The following SLC9A8 variants were observed in gnomAD, a reference collection of about 807,000 sequenced individuals.
SLC9A8 encodes solute carrier family 9 member A8, also known as sodium/hydrogen exchanger 8.
In SLC9A8, 48 loss-of-function variants were observed where a neutral mutation model predicts 66.6. The ratio of observed to expected loss-of-function variants is 0.72; its 90% CI spans 0.57 to 0.92. The LOEUF is 0.92. Ranked by LOEUF, SLC9A8 falls within the 40% of genes least tolerant of loss-of-function variation. The probability of loss-of-function intolerance (pLI) is 0.00; values close to 1 mark genes in which losing one functional copy is unlikely to be tolerated. For synonymous variants in SLC9A8, 274 were observed against 282.6 expected (o/e 0.97, Z 0.31); for missense variants, 599 against 747.3 (o/e 0.80, Z 2.31).
chr20:49,826,745 C>A (rs1013902567), intron 3 of SLC9A8, among the ~76,000 whole-genome samples: 10 of 152,080 alleles, frequency 6.6e-5, no homozygotes, highest in African/African-American at 2.4e-4. Context: ...AAACTAATTT[C>A]TTTTGCACAG....
chr20:49,818,161 A>T (rs2086622468), intron 2 of SLC9A8, among the ~76,000 whole-genome samples: 1 of 152,182 alleles, frequency 6.6e-6, no homozygotes, highest in Non-Finnish European at 1.5e-5. Flanking sequence ...GGTTTCTATA[A>T]TGTACTTTTT....
At chr20:49,849,392 G>A (rs761427327) in intron 5 of SLC9A8, among the ~76,000 whole-genome samples, 187 bp from the exon 6 acceptor site, 3 of 152,078 alleles carry the variant, frequency 2.0e-5, no homozygotes, top group Non-Finnish European at 4.4e-5. Context: ...TGGTGTGAGT[G>A]ACGGGACACT....
chr20:49,836,498 T>C (rs200587849), intron 3 of SLC9A8, among the ~76,000 whole-genome samples: 1 of 151,992 alleles, frequency 6.6e-6, no homozygotes, highest in African/African-American at 2.4e-5. Context: ...CGCAGATAAT[T>C]TTTGTATTTT....
intron 3 of SLC9A8, among the ~76,000 whole-genome samples, chr20:49,838,610 C>T (rs530381306): frequency 2.6e-5 from 4 of 152,188 alleles, no homozygotes; most frequent in Non-Finnish European, 5.9e-5. Context: ...TCCTGCTCAG[C>T]TTCTGTGTTC....
chr20:49,854,631 G>A (rs1479263511), intron 7 of SLC9A8, among the ~76,000 whole-genome samples: 2 of 152,240 alleles, frequency 1.3e-5, no homozygotes, highest in East Asian at 1.9e-4. Flanking sequence ...TAGGAGTACC[G>A]ACTCTGGGCA....
chr20:49,829,248 G>C (rs897778781), intron 3 of SLC9A8: 1 of 152,486 alleles, frequency 6.6e-6, no homozygotes, highest in South Asian at 2.1e-4. Context: ...GGCTGGGCGC[G>C]GTGGCTCACG....
intron 7 of SLC9A8, among the ~76,000 whole-genome samples, chr20:49,853,372 G>C (rs1163382049): frequency 2.0e-5 from 3 of 152,182 alleles, no homozygotes; most frequent in Non-Finnish European, 4.4e-5. Flanking sequence ...GAACTCCTGA[G>C]CTCAAGCCAT....
intron 2 of SLC9A8, 118 bp downstream of exon 2, chr20:49,815,307 A>G (rs1159731814): frequency 3.9e-6 from 3 of 764,684 alleles, no homozygotes; most frequent in Non-Finnish European, 5.9e-6. Context: ...TGGTTTTCAT[A>G]TCAAACACTG....
At chr20:49,857,885 C>T (rs2146649682) in intron 8 of SLC9A8, among the ~76,000 whole-genome samples, 1 of 152,246 alleles carries the variant, frequency 6.6e-6, no homozygotes, top group South Asian at 2.1e-4. Flanking sequence ...CCAAATACTG[C>T]CTGATGGCAA....
intron 10 of SLC9A8, among the ~76,000 whole-genome samples, chr20:49,871,542 C>T (rs996977237): frequency 2.6e-5 from 4 of 152,206 alleles, no homozygotes; most frequent in African/African-American, 9.6e-5. Flanking sequence ...TTGCACCAAC[C>T]CCCGCTTTTG....
chr20:49,827,359 T>G (rs993315656), intron 3 of SLC9A8, among the ~76,000 whole-genome samples: 17 of 151,304 alleles, frequency 1.1e-4, no homozygotes, highest in Admixed American at 1.1e-3. Context: ...TCCCAGCACT[T>G]TGGGAGGCCG....
intron 3 of SLC9A8, 108 bp from the exon 4 acceptor site, chr20:49,839,433 A>G: frequency 1.6e-6 from 1 of 637,444 alleles, no homozygotes; most frequent in Non-Finnish European, 2.7e-6. Context: ...TGCCCCAACC[A>G]CCTTGGGCAC....
intron 3 of SLC9A8, among the ~76,000 whole-genome samples, chr20:49,836,488 C>A (rs150371905): frequency 6.6e-6 from 1 of 152,054 alleles, no homozygotes; most frequent in Non-Finnish European, 1.5e-5. Flanking sequence ...TACCACCATG[C>A]GCAGATAATT....
At chr20:49,840,962 A>AC (rs2087732042) in intron 4 of SLC9A8, among the ~76,000 whole-genome samples, 1 of 137,578 alleles carries the variant, frequency 7.3e-6, no homozygotes, top group African/African-American at 2.9e-5. Context: ...AAAAAAATAC[A>AC]AAAAAAAAAA....
chr20:49,829,447 C>T (rs1331934862), intron 3 of SLC9A8: 6 of 189,694 alleles, frequency 3.2e-5, no homozygotes, highest in South Asian at 1.9e-4. Flanking sequence ...AGCATGAACC[C>T]GGGAGGTGGA....
In SLC9A8 at chr20:49,886,825, A is replaced by G; in HGVS notation, c.1565A>G (p.Gln522Arg). ...TACGAGGCCCACTACATCAGGCGGC[A>G]GGACCTTAAGGGCTTCGTGTGGCTG... ...EEYEAHYIRR[Q>R]DLKGFVWLDA... Residue 522 changes from glutamine (Q) to arginine (R), a missense_variant, in exon 15 of 16, where the codon CAG becomes CGG. Gln to Arg is a conservative substitution (Grantham distance 43, BLOSUM62 1). Coordinates refer to ENST00000361573, the MANE Select transcript of SLC9A8 (RefSeq NM_015266.3). This position sits in a 1 kb window ranked among gnomAD's most constrained non-coding sequence, Gnocchi z 4.8. The G allele has an allele frequency of 6.2e-7, 1 of 1,614,212 alleles. No homozygotes were observed. The highest frequency in any genetic ancestry group is 1.3e-5 in the African/African-American group (1 of 75,078).
At chr20:49,869,665 C>G (rs913175810) in intron 10 of SLC9A8, among the ~76,000 whole-genome samples, 3 of 151,876 alleles carry the variant, frequency 2.0e-5, no homozygotes, top group Non-Finnish European at 4.4e-5. Flanking sequence ...AACCCCATCT[C>G]TACTAAAAAT....
At chr20:49,835,431 C>T (rs930054456) in intron 3 of SLC9A8, among the ~76,000 whole-genome samples, 1 of 152,088 alleles carries the variant, frequency 6.6e-6, no homozygotes, top group Non-Finnish European at 1.5e-5. Flanking sequence ...CAGAGTTGTA[C>T]TACCATCACC....
chr20:49,855,731 C>A, intron 8 of SLC9A8, 150 bp downstream of exon 8: 1 of 788,020 alleles, frequency 1.3e-6, no homozygotes, highest in Non-Finnish European at 2.0e-6. Context: ...TATTTCTGTC[C>A]TGACAAGCCT....
Sources: allele counts gnomAD v4.1 joint callset (sites outside exome capture counted in the v4.1 genomes callset), GRCh38; gene constraint gnomAD v4.1.1; non-coding constraint Gnocchi (gnomAD v3.1); transcripts MANE v1.5; gene names NCBI Gene and HGNC (gene_info 2026-07-23, HGNC 2026-07-21).